Variants in AUTS2 observed in about 807,000 individuals in gnomAD.
The protein encoded by AUTS2 is autism susceptibility gene 2 protein.
A neutral mutation model predicts 112.4 loss-of-function variants in AUTS2; 17 were observed. That is an observed-to-expected ratio of 0.15 (90% CI 0.10 to 0.23). The LOEUF (loss-of-function observed/expected upper bound fraction) is 0.23, where lower values mean the gene tolerates loss of function less well. Among genes scored for constraint, AUTS2 ranks in the 10% least tolerant of loss-of-function variants. The pLI is 1.00. For synonymous variants in AUTS2, 751 were observed against 702.7 expected, an observed-to-expected ratio of 1.07 and a Z score of -1.09; for missense variants, 1,510 against 1,701.6, an observed-to-expected ratio of 0.89 and a Z score of 1.98.
chr7:69,641,894 G>T (rs1562780035), intron 1 of AUTS2, among the ~76,000 whole-genome samples: 1 of 152,212 alleles, frequency 6.6e-6, no homozygotes, highest in East Asian at 1.9e-4. Context: ...GATATTGATT[G>T]ATGACATTTC....
intron 2 of AUTS2, among the ~76,000 whole-genome samples, chr7:70,037,090 C>G (rs1392296662): frequency 6.6e-6 from 1 of 151,934 alleles, no homozygotes; most frequent in Non-Finnish European, 1.5e-5. Context: ...TGCCATCTGC[C>G]ACAACGTGGG....
intron 5 of AUTS2, among the ~76,000 whole-genome samples, chr7:70,488,428 C>T (rs145267465): frequency 2.6e-5 from 4 of 152,262 alleles, no homozygotes; most frequent in Non-Finnish European, 5.9e-5. Flanking sequence ...GAGGCCAAGT[C>T]CTGCTTGGAG....
At chr7:70,173,717 C>T (rs1187282130) in intron 4 of AUTS2, among the ~76,000 whole-genome samples, 1 of 152,156 alleles carries the variant, frequency 6.6e-6, no homozygotes, top group Non-Finnish European at 1.5e-5. Context: ...TTTGGTAATT[C>T]TTGCACTATT....
chr7:70,339,897 C>A (rs1251457730), intron 4 of AUTS2, among the ~76,000 whole-genome samples: 8 of 152,114 alleles, frequency 5.3e-5, no homozygotes, highest in Non-Finnish European at 1.5e-5. Context: ...GAAAAAAGTT[C>A]AGGCAAAATA....
At chr7:69,938,442 A>G (rs1260157630) in intron 2 of AUTS2, among the ~76,000 whole-genome samples, 1 of 152,226 alleles carries the variant, frequency 6.6e-6, no homozygotes, top group Non-Finnish European at 1.5e-5. Context: ...TTTAAAATAC[A>G]ATAATCCTTT....
chr7:69,667,007 T>G (rs964250092), intron 1 of AUTS2, among the ~76,000 whole-genome samples: 4 of 152,146 alleles, frequency 2.6e-5, no homozygotes, highest in Non-Finnish European at 5.9e-5. Flanking sequence ...GAAAAGGAAT[T>G]TATTTCTTAC....
chr7:69,766,647 T>C (rs530084608), intron 1 of AUTS2, among the ~76,000 whole-genome samples: 1 of 152,360 alleles, frequency 6.6e-6, no homozygotes, highest in South Asian at 2.1e-4. Context: ...TCACCTGCTC[T>C]GGCATACCTC....
intron 4 of AUTS2, among the ~76,000 whole-genome samples, chr7:70,338,071 T>C (rs1379579736): frequency 1.3e-5 from 2 of 152,254 alleles, no homozygotes; most frequent in Non-Finnish European, 2.9e-5. Context: ...TACATTCCCA[T>C]CTGCCAATCT....
intron 4 of AUTS2, among the ~76,000 whole-genome samples, chr7:70,212,691 GA>G (rs34971376): frequency 9.7e-4 from 142 of 147,114 alleles, no homozygotes; most frequent in African/African-American, 2.6e-3. Flanking sequence ...CCCCTTTCAG[GA>G]AAAAAAAAAA....
chr7:69,611,878 C>A (rs1448966735), intron 1 of AUTS2, among the ~76,000 whole-genome samples: 1 of 133,812 alleles, frequency 7.5e-6, no homozygotes, highest in Non-Finnish European at 1.5e-5. Flanking sequence ...TGCAGTGAGC[C>A]GAGATTGCGC....
At chr7:70,285,021 C>T (rs999289950) in intron 4 of AUTS2, among the ~76,000 whole-genome samples, 6 of 152,042 alleles carry the variant, frequency 3.9e-5, no homozygotes, top group Non-Finnish European at 7.4e-5. Context: ...GTCTTCATTG[C>T]TTGCCTTTAT....
At chr7:69,911,547 C>T (rs1358347042) in intron 2 of AUTS2, among the ~76,000 whole-genome samples, 3 of 152,304 alleles carry the variant, frequency 2.0e-5, no homozygotes, top group African/African-American at 4.8e-5. Flanking sequence ...GGAGTGTGAG[C>T]AAGGCAGAGA....
At chr7:70,152,975 T>G (rs2129576457) in intron 4 of AUTS2, among the ~76,000 whole-genome samples, 1 of 152,312 alleles carries the variant, frequency 6.6e-6, no homozygotes, top group South Asian at 2.1e-4. Context: ...ATCTTTCCCC[T>G]TTTTAAAGAT....
chr7:69,761,385 T>C (rs770925052), intron 1 of AUTS2, among the ~76,000 whole-genome samples: 3 of 152,188 alleles, frequency 2.0e-5, no homozygotes, highest in Non-Finnish European at 4.4e-5. Flanking sequence ...CAGCTTGTTA[T>C]TAAGGTAGTG....
chr7:70,564,723 G>A (rs975878959), intron 5 of AUTS2, among the ~76,000 whole-genome samples: 3 of 152,134 alleles, frequency 2.0e-5, no homozygotes, highest in African/African-American at 7.2e-5. Context: ...ACATATTATT[G>A]TGATCCATCA....
intron 2 of AUTS2, among the ~76,000 whole-genome samples, chr7:70,100,021 T>G (rs1804402256): frequency 6.6e-6 from 1 of 152,142 alleles, no homozygotes; most frequent in South Asian, 2.1e-4. Flanking sequence ...ATGACAAATA[T>G]GTATTTTTAG....
At chr7:69,929,660 A>T (rs1327315451) in intron 2 of AUTS2, among the ~76,000 whole-genome samples, 1 of 152,058 alleles carries the variant, frequency 6.6e-6, no homozygotes, top group Non-Finnish European at 1.5e-5. Flanking sequence ...TGTGTTTTTC[A>T]TCTCCGACAG....
intron 1 of AUTS2, among the ~76,000 whole-genome samples, chr7:69,760,203 T>C (rs1170205115): frequency 2.0e-5 from 3 of 148,360 alleles, no homozygotes; most frequent in African/African-American, 2.5e-5. Flanking sequence ...TTTTCTTTTT[T>C]TTTTTTTTTT....
At chr7:70,277,875 AAT>A (rs1788001389) in intron 4 of AUTS2, among the ~76,000 whole-genome samples, 1 of 152,024 alleles carries the variant, frequency 6.6e-6, no homozygotes, top group South Asian at 2.1e-4. Context: ...TCAAGTCAAG[AAT>A]ATGTTACCCA....
Sources: allele counts gnomAD v4.1 joint callset (sites outside exome capture counted in the v4.1 genomes callset), GRCh38; gene constraint gnomAD v4.1.1; transcripts MANE v1.5; gene names NCBI Gene and HGNC (gene_info 2026-07-23, HGNC 2026-07-21).